Variants in ANO2 observed in about 807,000 individuals in gnomAD.
ANO2 encodes the protein anoctamin 2, also known as anoctamin-2.
Under a neutral mutation model 124.2 loss-of-function variants are expected in ANO2, and 101 were observed. The observed-to-expected ratio is 0.81, with a 90% CI of 0.69 to 0.96. The LOEUF (loss-of-function observed/expected upper bound fraction) is 0.96, where lower values mean the gene tolerates loss of function less well. Ranked by LOEUF, ANO2 falls within the 40% of genes least tolerant of loss-of-function variation. ANO2 has a pLI of 0.00. For missense variants in ANO2, 1,293 were observed against 1,274.5 expected (o/e 1.01, Z -0.22); for synonymous variants, 486 against 482.5 (o/e 1.01, Z -0.09).
intron 20 of ANO2, among the ~76,000 whole-genome samples, chr12:5,595,203 T>G (rs1943599291): frequency 6.6e-6 from 1 of 152,160 alleles, no homozygotes; most frequent in African/African-American, 2.4e-5. Flanking sequence ...TGAGTTTTGT[T>G]TTTGTTTTTT....
intron 14 of ANO2, among the ~76,000 whole-genome samples, chr12:5,701,976 T>A (rs1949421185): frequency 6.6e-6 from 1 of 152,216 alleles, no homozygotes; most frequent in South Asian, 2.1e-4. Context: ...CAAAGCATTG[T>A]TTGTTTTAAT....
chr12:5,874,409 G>C (rs564603933), intron 3 of ANO2, among the ~76,000 whole-genome samples: 1 of 152,222 alleles, frequency 6.6e-6, no homozygotes. Context: ...GCTTGGATTA[G>C]AGGAACCCTG....
At chr12:5,905,133 G>T (rs970897534) in intron 3 of ANO2, among the ~76,000 whole-genome samples, 29 of 152,250 alleles carry the variant, frequency 1.9e-4, no homozygotes, top group African/African-American at 6.5e-4. Flanking sequence ...GGCAGCAAGG[G>T]TTCCCAGGGG....
chr12:5,576,626 C>T (rs1307738439), intron 22 of ANO2, among the ~76,000 whole-genome samples: 2 of 152,356 alleles, frequency 1.3e-5, no homozygotes, highest in Admixed American at 6.5e-5. Flanking sequence ...ACACACCCAA[C>T]ACAGCATCTG....
chr12:5,646,438 A>AT lies in ANO2; in HGVS notation c.1620+1288dup, dbSNP rs1489927485. Among the ~76,000 whole-genome samples, 9 of 152,196 alleles carry AT rather than the reference A, an allele frequency of 5.9e-5. No individual in the cohort carries two copies. The East Asian group carries it at 1.7e-3, about 29-fold the overall frequency. ...TGGAGATAGAAGTTTATTTTTACCT[A>AT]TTTTTTATTATTTATTTACTCATTT... On this transcript the variant is annotated intron_variant, in intron 15 of 24. Transcript: ENST00000682330.
At chr12:5,851,820 C>A (rs74781946) in intron 4 of ANO2, 1 of 675,430 alleles carries the variant, frequency 1.5e-6, no homozygotes, top group East Asian at 2.7e-5. Flanking sequence ...AGTAGAAAGA[C>A]GGGAAGGAAA....
chr12:5,838,645 A>G (rs540709394), intron 4 of ANO2, among the ~76,000 whole-genome samples: 2 of 152,246 alleles, frequency 1.3e-5, no homozygotes, highest in African/African-American at 4.8e-5. Flanking sequence ...CGCAAGGCTC[A>G]TGTGCCAACC....
intron 23 of ANO2, among the ~76,000 whole-genome samples, chr12:5,572,101 T>C (rs747882491): frequency 4.6e-5 from 7 of 152,178 alleles, no homozygotes; most frequent in Non-Finnish European, 1.0e-4. Flanking sequence ...CTTGATCTCA[T>C]CACTGCCCTC....
At position 5,699,615 on chromosome 12, in the gene ANO2, C is replaced by T. The variant is rs533126255; in HGVS notation, c.1545+32905G>A. On this transcript the variant is annotated intron_variant, in intron 14 of 24. Coordinates refer to ENST00000682330, the MANE Select transcript of ANO2 (RefSeq NM_001364791.2). Reference sequence around the variant, plus strand: ...CATATTAATCTTAAATGTAAATAGGCTAAATGCTCCAGTTAAAAGACACAG... The same window carrying T: ...CATATTAATCTTAAATGTAAATAGGTTAAATGCTCCAGTTAAAAGACACAG... Among the ~76,000 whole-genome samples the T allele has an allele frequency of 9.3e-4, 141 of 152,104 alleles. 1 individual carries two copies. Among genetic ancestry groups the T allele is most frequent in the South Asian group, 2.3e-3 (11 of 4,816 alleles).
intron 7 of ANO2, among the ~76,000 whole-genome samples, chr12:5,825,778 C>T (rs1953937332): frequency 6.6e-6 from 1 of 152,112 alleles, no homozygotes; most frequent in Non-Finnish European, 1.5e-5. Context: ...ATTATCATGC[C>T]CTGTGATTAA....
At chr12:5,890,380 A>G (rs1272770600) in intron 3 of ANO2, among the ~76,000 whole-genome samples, 1 of 152,204 alleles carries the variant, frequency 6.6e-6, no homozygotes, top group Non-Finnish European at 1.5e-5. Context: ...CACAGCTCAG[A>G]GCAGAGGTTC....
chr12:5,801,005 G>A (rs1230899253), intron 9 of ANO2, among the ~76,000 whole-genome samples: 1 of 152,170 alleles, frequency 6.6e-6, no homozygotes, highest in African/African-American at 2.4e-5. Flanking sequence ...GTGATGTGGA[G>A]GAGAACCAGA....
chr12:5,743,298 T>C (rs1951163343), intron 12 of ANO2, among the ~76,000 whole-genome samples: 1 of 152,164 alleles, frequency 6.6e-6, no homozygotes, highest in African/African-American at 2.4e-5. Context: ...TGTGATCCAA[T>C]GTGCAAACCA....
rs910779939 is a variant in ANO2, at chr12:5,827,859, C to T, written c.841-39G>A. ...ACAGCAGAGCTGTGAGCTCCTAGTT[C>T]CCCCCCGCCCTCCACCGTGTGTCAC... On this transcript the variant is annotated intron_variant, in intron 6 of 24. Transcript: ENST00000682330. 1.3e-5 allele frequency: 21 copies of T among 1,580,826 alleles called. No homozygotes were observed. The African/African-American group carries it at 2.0e-4, about 15-fold the overall frequency.
intron 16 of ANO2, among the ~76,000 whole-genome samples, chr12:5,621,576 G>A (rs1388611007): frequency 6.6e-6 from 1 of 152,182 alleles, no homozygotes; most frequent in Admixed American, 6.5e-5. Context: ...GTGCGGGGAG[G>A]GCCCGCTGGG....
chr12:5,624,284 GAGAC>G (rs1174221851), intron 16 of ANO2, among the ~76,000 whole-genome samples: 1 of 151,954 alleles, frequency 6.6e-6, no homozygotes, highest in Admixed American at 6.6e-5. Context: ...GACAGACAGA[GAGAC>G]AGACAGACAG....
intron 16 of ANO2, among the ~76,000 whole-genome samples, chr12:5,622,963 CA>C (rs60889578): frequency 0.48 from 50,717 of 106,324 alleles, 9,046 homozygotes; most frequent in East Asian, 0.58. Context: ...GGCTCTGTCT[CA>C]AAAAAAAAAA....
rs893165849 is a variant in ANO2, at chr12:5,906,601, C to T, written c.534+14439G>A. On this transcript the variant is annotated intron_variant, in intron 3 of 24. Coordinates refer to ENST00000682330, the MANE Select transcript of ANO2 (RefSeq NM_001364791.2). The stretch of plus-strand genomic sequence containing the variant: ...CACGAGGTCAAGAGATTGAGACCAT[C>T]CTGGCCAACACAGTGAAACCCAGTC... Among the ~76,000 whole-genome samples the T allele has an allele frequency of 9.2e-5, 14 of 152,150 alleles. No individual in the cohort carries two copies. The East Asian group carries it at 2.5e-3, about 27-fold the overall frequency.
intron 4 of ANO2, among the ~76,000 whole-genome samples, chr12:5,841,058 T>A (rs1954498109): frequency 6.6e-6 from 1 of 151,632 alleles, no homozygotes; most frequent in African/African-American, 2.4e-5. Flanking sequence ...TGCCATGGAG[T>A]TCACCCACTG....
Sources: gnomAD v4.1 joint callset for allele counts (sites outside exome capture counted in the v4.1 genomes callset) on GRCh38, gnomAD v4.1.1 for gene constraint, MANE v1.5 for transcripts, NCBI Gene and HGNC (gene_info 2026-07-23, HGNC 2026-07-21) for gene names.